The following DUSP22 variants were observed in gnomAD, a reference collection of about 807,000 sequenced individuals.
The protein encoded by DUSP22 is dual specificity phosphatase 22.
DUSP22 carries 24 observed loss-of-function variants against 24.5 expected under a neutral mutation model. That is an observed-to-expected ratio of 0.98 (90% CI 0.71 to 1.38). The LOEUF (loss-of-function observed/expected upper bound fraction) is 1.38, where lower values mean the gene tolerates loss of function less well. Among genes scored for constraint, DUSP22 ranks in the 40% most tolerant of loss-of-function variants. The pLI is 0.00. For missense variants in DUSP22, 330 were observed against 269.2 expected (o/e 1.23, Z -1.58); for synonymous variants, 160 against 106.4 (o/e 1.50, Z -3.10).
intron 3 of DUSP22, among the ~76,000 whole-genome samples, chr6:314,902 G>A (rs1758272951): frequency 1.3e-5 from 2 of 152,310 alleles, no homozygotes; most frequent in Admixed American, 6.5e-5. Context: ...ATTTGTTGGG[G>A]GTTGGGGTTT....
At chr6:324,444 C>A (rs1026525026) in intron 3 of DUSP22, among the ~76,000 whole-genome samples, 3 of 152,308 alleles carry the variant, frequency 2.0e-5, no homozygotes, top group African/African-American at 7.2e-5. Context: ...GAATGCAGCA[C>A]GTCTCTAATA....
At chr6:298,838 A>T (rs1358042986) in intron 1 of DUSP22, among the ~76,000 whole-genome samples, 7 of 152,304 alleles carry the variant, frequency 4.6e-5, no homozygotes. Flanking sequence ...TTAGGGACAC[A>T]TTAGGAGACA....
chr6:342,326 G>A (rs1759647404), intron 4 of DUSP22, among the ~76,000 whole-genome samples: 2 of 152,308 alleles, frequency 1.3e-5, no homozygotes, highest in African/African-American at 4.8e-5. Flanking sequence ...AGACCAGCGT[G>A]GGCACAGCAG....
rs1157214448 is a variant in DUSP22, at chr6:294,325, C to T, written c.21+1765C>T. Among the ~76,000 whole-genome samples the T allele has an allele frequency of 5.9e-5, 9 of 151,742 alleles. No individual in the cohort carries two copies. The Admixed American group carries it at 5.9e-4, about 10-fold the overall frequency. On this transcript the variant is annotated intron_variant, in intron 1 of 6. Transcript: ENST00000419235. ...TCAACACTTATTGATTATGTACATA[C>T]TATGAGCCAGGTGTTGTGCTAGTGG...
chr6:349,885 C>G lies in DUSP22; in HGVS notation c.*934C>G, dbSNP rs1197615832. 76 of 985,810 alleles carry G rather than the reference C, an allele frequency of 7.7e-5. No individual in the cohort carries two copies. Among genetic ancestry groups the G allele is most frequent in the Non-Finnish European group, 8.7e-5 (72 of 830,274 alleles). 61.1% of individuals were successfully genotyped at this position (985,810 alleles called of 1,614,324 possible). A position where few individuals can be genotyped will look rare whatever the true frequency, so the allele number is the denominator to read the frequency against. On this transcript the variant is annotated 3_prime_UTR_variant, in exon 7 of 7. Coordinates refer to ENST00000419235, the MANE Select transcript of DUSP22 (RefSeq NM_001286555.3). ...TAAGTTGGGTGCCCCAGGGCACCCC[C>G]TCCTCTCTGCTCCTTGCCAGCTTCA...
chr6:324,237 C>G (rs1011187985), intron 3 of DUSP22, among the ~76,000 whole-genome samples: 3 of 152,306 alleles, frequency 2.0e-5, no homozygotes, highest in African/African-American at 7.2e-5. Context: ...GGGCTCTGAC[C>G]GAGGTGACCT....
intron 3 of DUSP22, among the ~76,000 whole-genome samples, chr6:322,388 C>T (rs189727222): frequency 2.6e-5 from 4 of 152,422 alleles, no homozygotes; most frequent in African/African-American, 7.2e-5. Flanking sequence ...CTTCTGAGTG[C>T]AGTCCTTGGG....
At chr6:334,720 G>A (rs1156348901) in intron 3 of DUSP22, among the ~76,000 whole-genome samples, 3 of 152,296 alleles carry the variant, frequency 2.0e-5, no homozygotes, top group African/African-American at 4.8e-5. Context: ...TTTTACTTAC[G>A]AACAGTGCTT....
intron 6 of DUSP22, 102 bp downstream of exon 6, chr6:348,376 AG>A: frequency 1.3e-6 from 2 of 1,543,176 alleles, no homozygotes; most frequent in Non-Finnish European, 1.8e-6. Flanking sequence ...TGGAGTTGAA[AG>A]GCCCACAGAG....
At chr6:314,551 A>G (rs1255500443) in intron 3 of DUSP22, among the ~76,000 whole-genome samples, 1 of 152,304 alleles carries the variant, frequency 6.6e-6, no homozygotes, top group Non-Finnish European at 1.5e-5. Flanking sequence ...CTTTATTGTG[A>G]TGGAGACTAA....
rs928397166 is a variant in DUSP22 at position 348,210 on chromosome 6, G to A, written c.371G>A (p.Cys124Tyr). ...CACACCGTGCGTGCTGGGAGATCCTGTGCCAACCCCAACGTGGGCTTCCAG... is the reference window on the plus strand; with the variant it reads ...CACACCGTGCGTGCTGGGAGATCCTATGCCAACCCCAACGTGGGCTTCCAG... ...ALHTVRAGRSCANPNVGFQRQ... is the reference protein window; with the variant it reads ...ALHTVRAGRSYANPNVGFQRQ... Residue 124 changes from cysteine (C) to tyrosine (Y), a missense_variant, in exon 6 of 7, where the codon TGT becomes TAT. Transcript: ENST00000419235. 10 of 1,614,194 alleles carry A rather than the reference G, an allele frequency of 6.2e-6. No homozygotes were observed. Among genetic ancestry groups the A allele is most frequent in the Non-Finnish European group, 8.5e-6 (10 of 1,180,068 alleles).
chr6:324,425 G>A (rs987445090), intron 3 of DUSP22, among the ~76,000 whole-genome samples: 1 of 152,310 alleles, frequency 6.6e-6, no homozygotes, highest in Admixed American at 6.5e-5. Context: ...TGAGTGCCGC[G>A]GAGCACAGGA....
intron 3 of DUSP22, among the ~76,000 whole-genome samples, chr6:315,710 C>T (rs1758310745): frequency 6.6e-6 from 1 of 152,306 alleles, no homozygotes. Context: ...ACCCTCTTCA[C>T]ACATCCCGTC....
chr6:343,312 G>C (rs1042760810), intron 4 of DUSP22, among the ~76,000 whole-genome samples: 1 of 152,302 alleles, frequency 6.6e-6, no homozygotes, highest in African/African-American at 2.4e-5. Flanking sequence ...CAACTTGCCT[G>C]GTGGTTTACA....
At chr6:311,105 G>T (rs748886620) in intron 2 of DUSP22, among the ~76,000 whole-genome samples, 2 of 152,306 alleles carry the variant, frequency 1.3e-5, no homozygotes, top group Admixed American at 6.5e-5. Context: ...ACAAAAAATT[G>T]TTCAGCAGGA....
chr6:339,631 T>G (rs1284572259), intron 4 of DUSP22, among the ~76,000 whole-genome samples: 1 of 152,302 alleles, frequency 6.6e-6, no homozygotes, highest in Non-Finnish European at 1.5e-5. Context: ...CAGTAGCGCC[T>G]TTGTGACATT....
intron 1 of DUSP22, among the ~76,000 whole-genome samples, chr6:294,604 T>G (rs1236907469): frequency 3.9e-5 from 6 of 152,292 alleles, no homozygotes; most frequent in African/African-American, 1.4e-4. Flanking sequence ...TCCATGTTTT[T>G]TACTATGTCT....
Position 292,542 on chromosome 6 carries a change from G to GT in DUSP22, c.3_4insT (p.Gly2TrpfsTer39), listed in dbSNP as rs761885451. 6.2e-7 allele frequency: 1 copy of GT among 1,606,030 alleles called. No homozygotes were observed. The highest frequency in any genetic ancestry group is 1.7e-5 in the Admixed American group (1 of 59,042). On this transcript the variant is annotated frameshift_variant, in exon 1 of 7. Coordinates refer to ENST00000419235, the MANE Select transcript of DUSP22 (RefSeq NM_001286555.3). LOFTEE classifies it high-confidence loss of function. Reference sequence around the variant, plus strand: ...GCTAGCGTTCGCCTTCAGCCACCATGGGGAATGGGATGAACAAGGTAACGT... The same window carrying GT: ...GCTAGCGTTCGCCTTCAGCCACCATGTGGGAATGGGATGAACAAGGTAACGT...
chr6:330,954 C>G (rs1255323128), intron 3 of DUSP22, among the ~76,000 whole-genome samples: 1 of 152,308 alleles, frequency 6.6e-6, no homozygotes, highest in Non-Finnish European at 1.5e-5. Flanking sequence ...CTGGTCCCCT[C>G]AACACAGGTA....
Sources: gnomAD v4.1 joint callset for allele counts (sites outside exome capture counted in the v4.1 genomes callset) on GRCh38, gnomAD v4.1.1 for gene constraint, MANE v1.5 for transcripts, NCBI Gene and HGNC (gene_info 2026-07-23, HGNC 2026-07-21) for gene names.